Variants in SKAP1 observed in about 807,000 individuals in gnomAD.
SKAP1 encodes src kinase-associated phosphoprotein 1.
In SKAP1, 44 loss-of-function variants were observed where a neutral mutation model predicts 58.5. The ratio of observed to expected loss-of-function variants is 0.75; its 90% CI spans 0.59 to 0.97. The LOEUF (loss-of-function observed/expected upper bound fraction) is 0.97, where lower values mean the gene tolerates loss of function less well. Ranked by LOEUF, SKAP1 falls within the 50% of genes least tolerant of loss-of-function variation. The pLI is 0.00. For missense variants in SKAP1, 390 were observed against 435.2 expected (o/e 0.90, Z 0.92); for synonymous variants, 127 against 149.7 (o/e 0.85, Z 1.11).
In SKAP1 at chr17:48,193,632, C is replaced by T. The variant is rs549186540; in HGVS notation, c.281-4132G>A. 11 of 948,218 alleles carry T rather than the reference C, an allele frequency of 1.2e-5. 1 individual carries two copies. Among genetic ancestry groups the T allele is most frequent in the Middle Eastern group, 5.4e-4 (1 of 1,868 alleles). The allele number at this position is 948,218 out of a possible 1,614,324, so 58.7% of individuals were successfully genotyped here. A position where few individuals can be genotyped will look rare whatever the true frequency, so the allele number is the denominator to read the frequency against. On this transcript the variant is annotated intron_variant, in intron 4 of 12. Coordinates refer to ENST00000336915, the MANE Select transcript of SKAP1 (RefSeq NM_003726.4). ...AAATCCAAATAACCAAGGTGGGAAT[C>T]CACAGTGGCATGCAAGGTACCTCCT... is the stretch of plus-strand genomic sequence containing the variant.
At chr17:48,193,041 T>G (rs1046219288) in intron 4 of SKAP1, among the ~76,000 whole-genome samples, 3 of 152,156 alleles carry the variant, frequency 2.0e-5, no homozygotes, top group African/African-American at 4.8e-5. Context: ...TATGTTGCTT[T>G]CTTTCTTTCT....
chr17:48,272,448 A>G (rs2065645621), intron 4 of SKAP1, among the ~76,000 whole-genome samples: 1 of 151,802 alleles, frequency 6.6e-6, no homozygotes, highest in Non-Finnish European at 1.5e-5. Flanking sequence ...TTAATTTGGG[A>G]ACTAAGACTT....
intron 4 of SKAP1, among the ~76,000 whole-genome samples, chr17:48,265,501 A>C (rs200763488): frequency 0.081 from 11,966 of 148,232 alleles, 630 homozygotes; most frequent in East Asian, 0.2. Context: ...AAAAAAAAAA[A>C]AAGCAAGCAA....
At chr17:48,134,211 G>C (rs1365907253) in intron 12 of SKAP1, among the ~76,000 whole-genome samples, 1 of 152,136 alleles carries the variant, frequency 6.6e-6, no homozygotes, top group East Asian at 1.9e-4. Context: ...CCAAGTGTTT[G>C]CTATTACAAT....
rs373163984 is a variant in SKAP1 at position 48,170,585 on chromosome 17, C to T, written c.877+24G>A. On this transcript the variant is annotated intron_variant, in intron 10 of 12. Transcript: ENST00000336915. ...AAGCCCATAATGTCCTACCCAGTGC[C>T]TGTGCATTTAGAAGCTCTTATACCT... 5.6e-6 allele frequency: 9 copies of T among 1,605,124 alleles called. No homozygotes were observed. The African/African-American group carries it at 8.0e-5, about 14-fold the overall frequency.
intron 1 of SKAP1, among the ~76,000 whole-genome samples, chr17:48,404,350 G>A (rs1393952519): frequency 6.6e-6 from 1 of 152,042 alleles, no homozygotes; most frequent in Non-Finnish European, 1.5e-5. Flanking sequence ...TACTCCCGAG[G>A]CTGAGGCAGG....
chr17:48,140,439 C>A (rs2063754564), intron 11 of SKAP1, among the ~76,000 whole-genome samples: 1 of 152,108 alleles, frequency 6.6e-6, no homozygotes, highest in African/African-American at 2.4e-5. Context: ...TCTGTCCTGG[C>A]CTTCTCTTCT....
upstream of SKAP1, among the ~76,000 whole-genome samples, chr17:48,434,209 T>G (rs1424569701): frequency 6.6e-6 from 1 of 152,172 alleles, no homozygotes; most frequent in Non-Finnish European, 1.5e-5. Context: ...TGGGGCCTAA[T>G]GAGGCCAAGA....
intron 9 of SKAP1, among the ~76,000 whole-genome samples, chr17:48,176,267 A>G (rs2064288579): frequency 6.6e-6 from 1 of 152,220 alleles, no homozygotes; most frequent in African/African-American, 2.4e-5. Context: ...TAGAGAACAC[A>G]GCCAGATTCC....
chr17:48,366,516 G>C (rs1019500678), intron 2 of SKAP1, among the ~76,000 whole-genome samples: 2 of 152,104 alleles, frequency 1.3e-5, no homozygotes, highest in Admixed American at 6.6e-5. Flanking sequence ...TTCAAAACCT[G>C]GGAAGAAGGA....
At chr17:48,157,691 G>T (rs188268) in intron 11 of SKAP1, among the ~76,000 whole-genome samples, 24,366 of 147,374 alleles carry the variant, frequency 0.17, 2,032 homozygotes, top group Middle Eastern at 0.19. Flanking sequence ...AGCATGCCCA[G>T]CTAGCTTTTG....
chr17:48,251,995 G>A (rs966150501), intron 4 of SKAP1, among the ~76,000 whole-genome samples: 6 of 152,112 alleles, frequency 3.9e-5, no homozygotes, highest in African/African-American at 1.4e-4. Flanking sequence ...CATGTATTAA[G>A]TATTCATTTA....
chr17:48,363,645 T>C (rs118082030), intron 3 of SKAP1, 144 bp downstream of exon 3: 7,070 of 627,740 alleles, frequency 0.011, 74 homozygotes, highest in Admixed American at 0.036. Context: ...CGCAGCAGGG[T>C]GAAGGTTAAT....
chr17:48,193,714 C>G, intron 4 of SKAP1: 1 of 984,608 alleles, frequency 1.0e-6, no homozygotes, highest in Non-Finnish European at 1.2e-6. Context: ...TGAGGATGAA[C>G]AGTGTTAGCC....
rs114839652 is a variant in SKAP1, at chr17:48,263,467, C to T, written c.281-73967G>A. Among the ~76,000 whole-genome samples, 1,369 of 152,206 alleles carry T rather than the reference C, an allele frequency of 9.0e-3. 31 individuals carry two copies. Among genetic ancestry groups the T allele is most frequent in the African/African-American group, 0.032 (1,316 of 41,538 alleles). On this transcript the variant is annotated intron_variant, in intron 4 of 12. Coordinates refer to ENST00000336915, the MANE Select transcript of SKAP1 (RefSeq NM_003726.4). ...TTCTATTTTTAAATATTTAAATTTT[C>T]TGTATAACAATGAGCTTCAAACATG...
At chr17:48,361,823 A>C (rs2066942551) in intron 3 of SKAP1, among the ~76,000 whole-genome samples, 2 of 152,080 alleles carry the variant, frequency 1.3e-5, no homozygotes, top group Non-Finnish European at 1.5e-5. Context: ...TCTTTCTTAC[A>C]TATTTCTAAT....
intron 2 of SKAP1, among the ~76,000 whole-genome samples, chr17:48,385,012 A>G (rs897298430): frequency 6.6e-6 from 1 of 152,218 alleles, no homozygotes; most frequent in African/African-American, 2.4e-5. Context: ...AAGGGCCTAA[A>G]AAAGAGCATA....
At position 48,419,672 on chromosome 17, in the gene SKAP1, C is replaced by T. The variant is rs141142118; in HGVS notation, c.46+10403G>A. On this transcript the variant is annotated intron_variant, in intron 1 of 12. Coordinates refer to ENST00000336915, the MANE Select transcript of SKAP1 (RefSeq NM_003726.4). The stretch of plus-strand genomic sequence containing the variant: ...TTCTGTAGCTACCTATGCACCCCAG[C>T]CTACTTCTCATACTAGATTTATAAT... Among the ~76,000 whole-genome samples, 384 of 152,024 alleles carry T rather than the reference C, an allele frequency of 2.5e-3. 7 individuals are homozygous for T. Among genetic ancestry groups the T allele is most frequent in the African/African-American group, 8.5e-3 (354 of 41,456 alleles).
At chr17:48,165,260 C>T (rs2064121990) in intron 10 of SKAP1, among the ~76,000 whole-genome samples, 1 of 152,172 alleles carries the variant, frequency 6.6e-6, no homozygotes, top group South Asian at 2.1e-4. Flanking sequence ...ATTCCTGAAG[C>T]TTGGCACCAG....
Sources: gnomAD v4.1 joint callset for allele counts (sites outside exome capture counted in the v4.1 genomes callset) on GRCh38, gnomAD v4.1.1 for gene constraint, MANE v1.5 for transcripts, NCBI Gene and HGNC (gene_info 2026-07-23, HGNC 2026-07-21) for gene names.